The following PFN4 variants were observed in gnomAD, a reference collection of about 807,000 sequenced individuals.
PFN4 encodes the protein profilin family member 4.
Under a neutral mutation model 16.3 loss-of-function variants are expected in PFN4, and 10 were observed. The observed-to-expected ratio is 0.61, with a 90% confidence interval of 0.38 to 1.04. PFN4 has a LOEUF of 1.04. PFN4 is among the 50% of genes least tolerant of loss of function. PFN4 has a pLI of 0.01. For synonymous variants in PFN4, 54 were observed against 56.9 expected (o/e 0.95, Z 0.23); for missense variants, 136 against 153.6 (o/e 0.89, Z 0.61).
chr2:24,121,173 T>C lies in PFN4; in HGVS notation c.245A>G (p.Tyr82Cys), dbSNP rs1666103395. 9.9e-6 allele frequency: 16 copies of C among 1,613,942 alleles called. No homozygotes were observed. Among genetic ancestry groups the C allele is most frequent in the Non-Finnish European group, 1.3e-5 (15 of 1,180,000 alleles). The change falls in exon 3 of 5, where the codon TAT becomes TGT. Residue 82 changes from tyrosine to cysteine, a missense_variant. Transcript: ENST00000313213. ...ATCTTGAGCACTCACATTTTTGGCA[T>C]AAAGAGAATATTCATCTGCCCGGAC... The part of the protein sequence containing the change: ...RCVRADEYSL[Y>C]AKNENTGVVV...
rs1250609954 is a variant in PFN4 at position 24,119,638 on chromosome 2, C to G, written c.300G>C (p.Leu100=). The change falls in exon 4 of 5, where the codon CTG becomes CTC. Residue 100 remains leucine (L), a synonymous_variant. Coordinates refer to ENST00000313213, the MANE Select transcript of PFN4 (RefSeq NM_199346.3). Reference sequence around the variant, plus strand: ...ACATGCCCTCAGTGTAAGTTGCTACCAGAAGATACAGATGGGTCTTCACGA... The same window carrying G: ...ACATGCCCTCAGTGTAAGTTGCTACGAGAAGATACAGATGGGTCTTCACGA... ...VVVVKTHLYL[L]VATYTEGMYP... is the part of the protein sequence containing the mutation. The G allele has an allele frequency of 6.2e-7, 1 of 1,613,688 alleles. No individual in the cohort carries two copies.
intron 3 of PFN4, 120 bp downstream of exon 3, chr2:24,121,043 A>G: frequency 7.4e-7 from 1 of 1,344,008 alleles, no homozygotes; most frequent in Non-Finnish European, 1.0e-6. Context: ...CTATCTCAAG[A>G]CAATGGCTCA....
intron 4 of PFN4, 136 bp from the exon 5 acceptor site, chr2:24,115,747 A>C (rs769483534): frequency 7.8e-6 from 7 of 893,226 alleles, no homozygotes; most frequent in Non-Finnish European, 1.2e-5. Context: ...GTACTGGAGA[A>C]ACAAGGGTGA....
chr2:24,120,530 T>A (rs1191545876), intron 3 of PFN4, among the ~76,000 whole-genome samples: 1 of 152,182 alleles, frequency 6.6e-6, no homozygotes, highest in Non-Finnish European at 1.5e-5. Context: ...CTTTCATTCC[T>A]TATAAGCAAC....
chr2:24,119,572 CT>C lies in PFN4; in HGVS notation c.361+4del. ...ATGAAGACAGGAACTAGGAGGCCAACTTACCCAGGCTCTCTGTGGCTTCCAC... is the reference window on the plus strand; with the variant it reads ...ATGAAGACAGGAACTAGGAGGCCAACTACCCAGGCTCTCTGTGGCTTCCAC... On this transcript the variant is annotated splice_donor_region_variant and intron_variant, in intron 4 of 4. Transcript: ENST00000313213. 1 of 1,611,296 alleles carries C rather than the reference CT, an allele frequency of 6.2e-7. No individual in the cohort carries two copies. The highest frequency in any genetic ancestry group is 1.1e-5 in the South Asian group (1 of 90,616).
chr2:24,117,227 G>T (rs890966533), intron 4 of PFN4, among the ~76,000 whole-genome samples: 8 of 151,920 alleles, frequency 5.3e-5, no homozygotes, highest in African/African-American at 1.7e-4. Context: ...TGTTTTCCAG[G>T]CTGGTCTCAA....
rs535039093 is a variant in PFN4 at position 24,117,559 on chromosome 2, CAGCCTCCTG to C, written c.362-1957_362-1949del. On this transcript the variant is annotated intron_variant, in intron 4 of 4. Transcript: ENST00000313213. The stretch of plus-strand genomic sequence containing the variant: ...CTGGGTTCAGGTGATTCTCCTGCCT[CAGCCTCCTG>C]AGCAGCAGGGATTACAGGTACCCAC... 1.1e-4 allele frequency among the ~76,000 whole-genome samples: 16 copies of C among 152,140 alleles called. No homozygotes were observed. The South Asian group carries it at 2.5e-3, about 24-fold the overall frequency.
chr2:24,123,424 C>T (rs539264777), upstream of PFN4: 159 of 152,428 alleles, frequency 1.0e-3, no homozygotes, highest in African/African-American at 3.7e-3. Context: ...GCCCAATCCC[C>T]TTTGGGCCTG....
rs1030497880 is a variant in PFN4, at chr2:24,115,535, A to C, written c.*48T>G. On this transcript the variant is annotated 3_prime_UTR_variant, in exon 5 of 5. Transcript: ENST00000313213. ...AAAATATTTTTTCTTTAGGCTCTTC[A>C]ATTTTCTTCTAAAATAATAAAATTG... 4 of 1,548,536 alleles carry C rather than the reference A, an allele frequency of 2.6e-6. No individual in the cohort carries two copies. The highest frequency in any genetic ancestry group is 3.5e-6 in the Non-Finnish European group (4 of 1,128,910).
rs904171576 is a variant in PFN4 at position 24,119,744 on chromosome 2, G to A, written c.256-62C>T. 84 of 1,249,540 alleles carry A rather than the reference G, an allele frequency of 6.7e-5. No homozygotes were observed. The African/African-American group carries it at 1.2e-3, about 17-fold the overall frequency. 77.4% of individuals were successfully genotyped at this position (1,249,540 alleles called of 1,614,324 possible). A position where few individuals can be genotyped will look rare whatever the true frequency, so the allele number is the denominator to read the frequency against. On this transcript the variant is annotated intron_variant, in intron 3 of 4. Coordinates refer to ENST00000313213, the MANE Select transcript of PFN4 (RefSeq NM_199346.3). Reference sequence around the variant, plus strand: ...TTCTAATCACAGGACCAGTGGTCATGCTCCAGCTACGTTTTTCACCATTTC... The same window carrying A: ...TTCTAATCACAGGACCAGTGGTCATACTCCAGCTACGTTTTTCACCATTTC...
At chr2:24,115,907 CAAAAAA>C (rs35038662) in intron 4 of PFN4, among the ~76,000 whole-genome samples, 1 of 117,046 alleles carries the variant, frequency 8.5e-6, no homozygotes. Flanking sequence ...GGTTCCCATG[CAAAAAA>C]AAAAAAAAAA....
intron 3 of PFN4, among the ~76,000 whole-genome samples, chr2:24,120,872 C>CTTTT (rs35518003): frequency 1.4e-5 from 2 of 141,844 alleles, no homozygotes; most frequent in Non-Finnish European, 3.1e-5. Flanking sequence ...ATGATTATCT[C>CTTTT]TTTTTTTTTT....
rs1487791608 is a variant in PFN4 at position 24,121,315 on chromosome 2, T to C, written c.118-15A>G. 3.7e-6 allele frequency: 6 copies of C among 1,613,416 alleles called. No homozygotes were observed. The highest frequency in any genetic ancestry group is 1.7e-4 in the Middle Eastern group (1 of 6,050). ...CTGGGCGTTACCTGGAGAGGTTACA[T>C]GGTTAGAGCAGGAGTCAGCCAACTA... On this transcript the variant is annotated splice_polypyrimidine_tract_variant and intron_variant, in intron 2 of 4. Transcript: ENST00000313213.
intron 4 of PFN4, among the ~76,000 whole-genome samples, chr2:24,116,000 C>T (rs948295575): frequency 1.3e-5 from 2 of 151,884 alleles, no homozygotes; most frequent in Non-Finnish European, 2.9e-5. Flanking sequence ...AAACTGCTGC[C>T]CTCCTCTCCT....
At chr2:24,122,345 T>G in intron 2 of PFN4, 74 bp downstream of exon 2, 1 of 1,071,828 alleles carries the variant, frequency 9.3e-7, no homozygotes, top group Non-Finnish European at 1.4e-6. Context: ...AAAAAAGTCA[T>G]GTCTGCTTCA....
At chr2:24,122,196 G>T (rs1258831352) in intron 2 of PFN4, among the ~76,000 whole-genome samples, 1 of 152,020 alleles carries the variant, frequency 6.6e-6, no homozygotes, top group African/African-American at 2.4e-5. Context: ...GCCGGGCCTG[G>T]TAGCGCACTC....
Position 24,122,326 on chromosome 2 carries a change from C to CAAA in PFN4, c.117+90_117+92dup, listed in dbSNP as rs71397404. 8.8e-3 allele frequency: 6,540 copies of CAAA among 745,580 alleles called. 79 individuals carry two copies. The highest frequency in any genetic ancestry group is 0.013 in the South Asian group (745 of 59,436). 46.2% of individuals were successfully genotyped at this position (745,580 alleles called of 1,614,324 possible). A position where few individuals can be genotyped will look rare whatever the true frequency, so the allele number is the denominator to read the frequency against. On this transcript the variant is annotated intron_variant, in intron 2 of 4. Transcript: ENST00000313213. ...AAGCAACAAGAGTGAAATTCCGTCTCAAAAAAAAAAAAAAGTCATGTCTGC... is the reference window on the plus strand; with the variant it reads ...AAGCAACAAGAGTGAAATTCCGTCTCAAAAAAAAAAAAAAAAAGTCATGTCTGC...
chr2:24,115,213 TTGCTG>T lies in PFN4; in HGVS notation c.*365_*369del, dbSNP rs1156981576. 6.6e-6 allele frequency among the ~76,000 whole-genome samples: 1 copy of T among 152,218 alleles called. No homozygotes were observed. Among genetic ancestry groups the T allele is most frequent in the Non-Finnish European group, 1.5e-5 (1 of 68,044 alleles). ...ACATCCCTTCATTTTTCAAGGTTGC[TTGCTG>T]CAACCTAACCCTGAGAAATGTCTTG... On this transcript the variant is annotated 3_prime_UTR_variant, in exon 5 of 5. Transcript: ENST00000313213.
chr2:24,121,691 T>C (rs1175109184), intron 2 of PFN4, among the ~76,000 whole-genome samples: 2 of 152,188 alleles, frequency 1.3e-5, no homozygotes, highest in African/African-American at 4.8e-5. Context: ...ATGAATAGAC[T>C]GATGCCCTCC....
Sources: gnomAD v4.1 joint callset for allele counts (sites outside exome capture counted in the v4.1 genomes callset) on GRCh38, gnomAD v4.1.1 for gene constraint, MANE v1.5 for transcripts, NCBI Gene and HGNC (gene_info 2026-07-23, HGNC 2026-07-21) for gene names.